Variants in ANO1 observed in about 807,000 individuals in gnomAD.
The protein encoded by ANO1 is anoctamin 1.
ANO1 carries 59 observed loss-of-function variants against 124.0 expected under a neutral mutation model. That is an observed-to-expected ratio of 0.48 (90% CI 0.39 to 0.59). The LOEUF (loss-of-function observed/expected upper bound fraction) is 0.59. Ranked by LOEUF, ANO1 falls within the 20% of genes least tolerant of loss-of-function variation. The pLI, the probability that ANO1 is intolerant of heterozygous loss-of-function variation, is 0.00. For missense variants in ANO1, 1,059 were observed against 1,328.0 expected (o/e 0.80, Z 3.15); for synonymous variants, 529 against 532.0 (o/e 0.99, Z 0.08).
the ANO1 span, among the ~76,000 whole-genome samples, chr11:69,975,818 C>T: frequency 6.6e-6 from 1 of 152,222 alleles, no homozygotes; most frequent in Non-Finnish European, 1.5e-5. Flanking sequence ...GGTCCAGAAT[C>T]CCATTGACTG....
At position 70,126,160 on chromosome 11, in the gene ANO1, G is replaced by C; in HGVS notation, c.1062G>C (p.Leu354=). ...PASIVGIIVF[L]YGCATMDENI... ...CCATCGTGGGAATCATTGTCTTCCTGTACGGATGCGCCACCATGGATGAAA... is the reference window on the plus strand; with the variant it reads ...CCATCGTGGGAATCATTGTCTTCCTCTACGGATGCGCCACCATGGATGAAA... Residue 354 remains leucine (L), a synonymous_variant, in exon 10 of 26, where the codon CTG becomes CTC. Transcript: ENST00000355303. 1 of 1,613,552 alleles carries C rather than the reference G, an allele frequency of 6.2e-7. No individual in the cohort carries two copies. The highest frequency in any genetic ancestry group is 8.5e-7 in the Non-Finnish European group (1 of 1,179,692).
At chr11:70,016,892 C>T (rs530408073) in intron 1 of ANO1, among the ~76,000 whole-genome samples, 2 of 152,382 alleles carry the variant, frequency 1.3e-5, no homozygotes, top group South Asian at 4.1e-4. Context: ...CACACTGCAG[C>T]CCTCTGTCCC....
intron 1 of ANO1, among the ~76,000 whole-genome samples, chr11:70,008,974 G>A (rs1856543314): frequency 6.6e-6 from 1 of 152,166 alleles, no homozygotes; most frequent in Non-Finnish European, 1.5e-5. Flanking sequence ...TCAGTGGGAT[G>A]AGCGTGGCCC....
At position 70,055,620 on chromosome 11, in the gene ANO1, T is replaced by C. The variant is rs947832208; in HGVS notation, c.59-22922T>C. 8.5e-5 allele frequency among the ~76,000 whole-genome samples: 13 copies of C among 152,226 alleles called. No individual in the cohort carries two copies. The East Asian group carries it at 2.1e-3, about 25-fold the overall frequency. ...AGTTGAAGTTTTAAAAAATTCAGTC[T>C]GATAACTTTGTCATTTAATTGGAAT... On this transcript the variant is annotated intron_variant, in intron 1 of 27. Coordinates refer to the ANO1 transcript ENST00000531349.
At chr11:69,977,521 C>T in the ANO1 span, among the ~76,000 whole-genome samples, 1 of 152,218 alleles carries the variant, frequency 6.6e-6, no homozygotes, top group African/African-American at 2.4e-5. Flanking sequence ...CCAGCCCTCC[C>T]AGCCTGCAGA....
chr11:70,062,759 G>T (rs1555007941), intron 1 of ANO1, among the ~76,000 whole-genome samples: 1 of 152,224 alleles, frequency 6.6e-6, no homozygotes, highest in African/African-American at 2.4e-5. Context: ...GAAAATCTCT[G>T]AGCGGGAAGT....
the ANO1 span, among the ~76,000 whole-genome samples, chr11:69,976,247 C>T: frequency 2.6e-5 from 4 of 152,234 alleles, no homozygotes; most frequent in East Asian, 1.9e-4. Context: ...AGAAGGCTCA[C>T]GCCTGTAATC....
chr11:70,150,585 G>A (rs908925404), intron 12 of ANO1, among the ~76,000 whole-genome samples: 11 of 152,088 alleles, frequency 7.2e-5, no homozygotes, highest in African/African-American at 1.9e-4. Flanking sequence ...CCTAAGCTGC[G>A]GTGCAATGGC....
intron 1 of ANO1, among the ~76,000 whole-genome samples, chr11:70,062,909 T>C (rs1003928245): frequency 3.9e-5 from 6 of 152,146 alleles, no homozygotes; most frequent in African/African-American, 1.4e-4. Flanking sequence ...TATGTTGTTT[T>C]TTTGTTGTTG....
chr11:70,134,253 A>G (rs920473774), intron 11 of ANO1, among the ~76,000 whole-genome samples: 1 of 152,176 alleles, frequency 6.6e-6, no homozygotes, highest in Non-Finnish European at 1.5e-5. Flanking sequence ...GGGCCTGTGC[A>G]GCCACTGAGA....
chr11:70,113,663 T>A (rs2045874902), intron 7 of ANO1, among the ~76,000 whole-genome samples: 1 of 152,148 alleles, frequency 6.6e-6, no homozygotes, highest in South Asian at 2.1e-4. Flanking sequence ...GCTGAGAGGC[T>A]GAGGCACCGA....
At chr11:70,014,240 C>T (rs1856657398) in intron 1 of ANO1, among the ~76,000 whole-genome samples, 1 of 151,876 alleles carries the variant, frequency 6.6e-6, no homozygotes, top group Admixed American at 6.6e-5. Flanking sequence ...GTGACTAGCA[C>T]TAAGATAAAG....
the ANO1 span, among the ~76,000 whole-genome samples, chr11:69,968,540 C>T: frequency 2.0e-5 from 3 of 152,172 alleles, no homozygotes; most frequent in Non-Finnish European, 2.9e-5. Context: ...AAGGAGCCCT[C>T]GAATGACTCC....
At chr11:70,170,064 G>A (rs1368114518) in intron 21 of ANO1, 7 of 424,154 alleles carry the variant, frequency 1.7e-5, no homozygotes, top group Non-Finnish European at 3.3e-5. Context: ...GGGGAGGGCC[G>A]CAGGGGCAGA....
chr11:70,088,115 G>T (rs2044464555), intron 2 of ANO1, 31 bp downstream of exon 2: 1 of 215,004 alleles, frequency 4.7e-6, no homozygotes, highest in Non-Finnish European at 8.9e-6. Context: ...TGTTTGTGGG[G>T]GGTGGGGGGT....
At chr11:70,152,406 T>C (rs749556591) in intron 12 of ANO1, 44 bp from the exon 13 acceptor site, 2 of 1,590,574 alleles carry the variant, frequency 1.3e-6, no homozygotes, top group East Asian at 4.5e-5. Flanking sequence ...ACCTAAGTAA[T>C]GACATCTTTG....
chr11:70,127,057 G>A (rs1054378555), intron 10 of ANO1, among the ~76,000 whole-genome samples: 6 of 131,404 alleles, frequency 4.6e-5, no homozygotes, highest in African/African-American at 1.4e-4. Flanking sequence ...TAGAGGCCTC[G>A]GTGCAGGCTG....
chr11:70,034,226 C>T (rs1857056451), intron 1 of ANO1, among the ~76,000 whole-genome samples: 1 of 152,110 alleles, frequency 6.6e-6, no homozygotes, highest in African/African-American at 2.4e-5. Flanking sequence ...GAAAATCAAA[C>T]AGGCCCCTGA....
chr11:70,085,916 T>C (rs1257958785), intron 1 of ANO1, among the ~76,000 whole-genome samples: 1 of 152,244 alleles, frequency 6.6e-6, no homozygotes, highest in Non-Finnish European at 1.5e-5. Flanking sequence ...TTTAGAGCCA[T>C]GGTGCAGCCG....
Sources: allele counts gnomAD v4.1 joint callset (sites outside exome capture counted in the v4.1 genomes callset), GRCh38; gene constraint gnomAD v4.1.1; transcripts MANE v1.5; gene names NCBI Gene and HGNC (gene_info 2026-07-23, HGNC 2026-07-21).